The following EIF5B variants were observed in gnomAD, a reference collection of about 807,000 sequenced individuals.
The protein encoded by EIF5B is eukaryotic translation initiation factor 5B.
In EIF5B, 47 loss-of-function variants were observed where a neutral mutation model predicts 147.5. That is an observed-to-expected ratio of 0.32 (90% CI 0.25 to 0.41). The LOEUF is 0.41. Among genes scored for constraint, EIF5B ranks in the 10% least tolerant of loss-of-function variants. The probability of loss-of-function intolerance (pLI) is 1.00; values close to 1 mark genes in which losing one functional copy is unlikely to be tolerated. For synonymous variants in EIF5B, 455 were observed against 456.2 expected (o/e 1.00, Z 0.03); for missense variants, 1,064 against 1,413.2 (o/e 0.75, Z 3.96).
At chr2:99,340,851 C>G (rs2094257822) in intron 1 of EIF5B, 1 of 152,072 alleles carries the variant, frequency 6.6e-6, no homozygotes, top group Non-Finnish European at 1.5e-5. Flanking sequence ...CTCACTGCAA[C>G]CTCCGCCTCC....
intron 23 of EIF5B, 73 bp from the exon 24 acceptor site, chr2:99,399,234 C>T: frequency 7.2e-7 from 1 of 1,380,514 alleles, no homozygotes; most frequent in Non-Finnish European, 1.0e-6. Flanking sequence ...TGAGAGCGGG[C>T]ATCTGGGGCC....
intron 7 of EIF5B, 83 bp downstream of exon 7, chr2:99,368,674 A>G: frequency 1.8e-6 from 2 of 1,113,584 alleles, no homozygotes; most frequent in Non-Finnish European, 2.6e-6. Context: ...TCTGTAAAGA[A>G]GAAAGGAAAA....
At position 99,366,282 on chromosome 2, in the gene EIF5B, T is replaced by G. The variant is rs140700980; in HGVS notation, c.1288+1861T>G. ...AGTCTGAGACTAGAGCAGTAGTCAG[T>G]TGATTAAGTCTAGGGTGTTATTGGG... On this transcript the variant is annotated intron_variant, in intron 6 of 23. Coordinates refer to ENST00000289371, the MANE Select transcript of EIF5B (RefSeq NM_015904.4). 2.4e-3 allele frequency among the ~76,000 whole-genome samples: 362 copies of G among 152,342 alleles called. 6 individuals are homozygous for G. The highest frequency in any genetic ancestry group is 4.7e-4 in the Non-Finnish European group (32 of 68,030).
At chr2:99,387,224 C>T (rs1436600860) in intron 14 of EIF5B, among the ~76,000 whole-genome samples, 7 of 152,076 alleles carry the variant, frequency 4.6e-5, no homozygotes, top group Admixed American at 2.0e-4. Flanking sequence ...AATTTTTTTA[C>T]GATTTGTGTT....
chr2:99,341,246 A>G (rs941270938), intron 1 of EIF5B, among the ~76,000 whole-genome samples: 1 of 152,202 alleles, frequency 6.6e-6, no homozygotes, highest in Non-Finnish European at 1.5e-5. Context: ...TTACTTGCAT[A>G]TATTTGAATG....
At chr2:99,383,040 G>A (rs1674725083) in intron 14 of EIF5B, 119 bp downstream of exon 14, 2 of 1,088,986 alleles carry the variant, frequency 1.8e-6, no homozygotes, top group Non-Finnish European at 2.5e-6. Context: ...TCACTATATT[G>A]TGCTTCACAG....
intron 7 of EIF5B, among the ~76,000 whole-genome samples, chr2:99,368,854 A>G (rs545696478): frequency 1.3e-5 from 2 of 152,362 alleles, no homozygotes; most frequent in Admixed American, 6.5e-5. Context: ...TAAAACTACC[A>G]TTCTTATCTT....
chr2:99,357,105 G>C (rs1055717783), intron 1 of EIF5B, among the ~76,000 whole-genome samples: 4 of 152,230 alleles, frequency 2.6e-5, no homozygotes, highest in Admixed American at 2.6e-4. Flanking sequence ...GCCTTGATCT[G>C]TGTGTCTCTT....
chr2:99,353,005 C>CTTTTTT (rs529053292), intron 1 of EIF5B, among the ~76,000 whole-genome samples: 3,400 of 62,644 alleles, frequency 0.054, 481 homozygotes, highest in East Asian at 0.079. Flanking sequence ...TCTTCTTCTT[C>CTTTTTT]TTTTTTTTTT....
Position 99,347,474 on chromosome 2 carries a change from G to A in EIF5B, c.35+9885G>A, listed in dbSNP as rs111363195. 4.7e-3 allele frequency among the ~76,000 whole-genome samples: 712 copies of A among 152,036 alleles called. 2 individuals are homozygous for A. Among genetic ancestry groups the A allele is most frequent in the Non-Finnish European group, 8.1e-3 (552 of 67,986 alleles). The stretch of plus-strand genomic sequence containing the variant: ...ATGGAGATTTTGATTCAGTAGATCT[G>A]GGGTGAGGGTCTGAGATTCTGCATT... On this transcript the variant is annotated intron_variant, in intron 1 of 23. Coordinates refer to ENST00000289371, the MANE Select transcript of EIF5B (RefSeq NM_015904.4).
At chr2:99,344,137 G>T (rs2094267336) in intron 1 of EIF5B, among the ~76,000 whole-genome samples, 1 of 151,868 alleles carries the variant, frequency 6.6e-6, no homozygotes, top group Non-Finnish European at 1.5e-5. Context: ...GCCAGGATGG[G>T]TCTCGATCTC....
chr2:99,363,626 C>A lies in EIF5B; in HGVS notation c.920-19C>A. The A allele has an allele frequency of 6.4e-7, 1 of 1,569,710 alleles. No individual in the cohort carries two copies. The highest frequency in any genetic ancestry group is 8.6e-7 in the Non-Finnish European group (1 of 1,166,528). On this transcript the variant is annotated intron_variant, in intron 4 of 23. Transcript: ENST00000289371. ...ATTGTTTTTTCATTTCAATGCTTTG[C>A]CTTTATTCTTTTTGGTAGATGACAA...
In EIF5B at chr2:99,399,798, G is replaced by C. The variant is rs1675164913; in HGVS notation, c.*384G>C. On this transcript the variant is annotated 3_prime_UTR_variant, in exon 24 of 24. Transcript: ENST00000289371. ...TTAACCAAGCTTCTGCAGATTTTGT[G>C]ATTCTTGGGACTTTTTTGACGTAAG... 1 of 157,294 alleles carries C rather than the reference G, an allele frequency of 6.4e-6. No individual in the cohort carries two copies. The highest frequency in any genetic ancestry group is 2.4e-5 in the African/African-American group (1 of 41,614). 9.7% of individuals were successfully genotyped at this position (157,294 alleles called of 1,614,324 possible).
At position 99,361,558 on chromosome 2, in the gene EIF5B, T is replaced by A. The variant is rs201879439; in HGVS notation, c.657T>A (p.Asp219Glu). Residue 219 changes from aspartate to glutamate, a missense_variant, in exon 4 of 24, where the codon GAT becomes GAA. Coordinates refer to ENST00000289371, the MANE Select transcript of EIF5B (RefSeq NM_015904.4). ...GPNIESGNED[D>E]DASFKIKTVA... is the part of the protein sequence containing the mutation. ...ACATAGAAAGTGGGAATGAAGATGA[T>A]GACGCCTCCTTCAAAATTAAGACAG... is the stretch of plus-strand genomic sequence containing the variant. 3.7e-6 allele frequency: 6 copies of A among 1,612,672 alleles called. No homozygotes were observed. The highest frequency in any genetic ancestry group is 1.3e-5 in the African/African-American group (1 of 74,836).
At position 99,382,170 on chromosome 2, in the gene EIF5B, G is replaced by A; in HGVS notation, c.2073G>A (p.Glu691=). The A allele has an allele frequency of 2.5e-6, 4 of 1,612,886 alleles. No homozygotes were observed. Among genetic ancestry groups the A allele is most frequent in the Non-Finnish European group, 3.4e-6 (4 of 1,179,322 alleles). The part of the protein sequence containing the change: ...QTKMIKNFDR[E]NVRIPGMLII... ...CCCATTGTTTCTAGTTTGATAGAGA[G>A]AATGTACGGATTCCAGGAATGCTAA... is the stretch of plus-strand genomic sequence containing the variant. Residue 691 remains glutamate (E), a synonymous_variant, in exon 13 of 24, where the codon GAG becomes GAA. Transcript: ENST00000289371.
intron 12 of EIF5B, 69 bp from the exon 13 acceptor site, chr2:99,382,090 G>A (rs1674701544): frequency 1.5e-6 from 2 of 1,359,996 alleles, no homozygotes; most frequent in East Asian, 2.3e-5. Flanking sequence ...TATGGCAAAA[G>A]GATTGTTCTG....
intron 1 of EIF5B, among the ~76,000 whole-genome samples, chr2:99,343,316 T>TTA (rs1265895393): frequency 6.6e-6 from 1 of 151,510 alleles, no homozygotes; most frequent in Non-Finnish European, 1.5e-5. Flanking sequence ...TACTAGATCC[T>TTA]TATCAGATAT....
chr2:99,393,938 A>C (rs1021004100), intron 18 of EIF5B, among the ~76,000 whole-genome samples: 2 of 152,218 alleles, frequency 1.3e-5, no homozygotes, highest in African/African-American at 4.8e-5. Context: ...CATTACGTTT[A>C]TGTGGTACTT....
chr2:99,380,304 A>T (rs186317160), intron 12 of EIF5B, among the ~76,000 whole-genome samples: 1 of 151,960 alleles, frequency 6.6e-6, no homozygotes, highest in African/African-American at 2.4e-5. Context: ...CTCCCACCTC[A>T]GCCTCCCAAA....
Sources: allele counts gnomAD v4.1 joint callset (sites outside exome capture counted in the v4.1 genomes callset), GRCh38; gene constraint gnomAD v4.1.1; transcripts MANE v1.5; gene names NCBI Gene and HGNC (gene_info 2026-07-23, HGNC 2026-07-21).